Variants in IGF2BP2 observed in about 807,000 individuals in gnomAD.
The protein encoded by IGF2BP2 is insulin-like growth factor 2 mRNA-binding protein 2.
In IGF2BP2, 17 loss-of-function variants were observed where a neutral mutation model predicts 75.8. That is an observed-to-expected ratio of 0.22 (90% CI 0.15 to 0.34). The LOEUF is 0.34. IGF2BP2 is among the 10% of genes least tolerant of loss of function. The probability of loss-of-function intolerance (pLI) is 1.00; values close to 1 mark genes in which losing one functional copy is unlikely to be tolerated. For missense variants in IGF2BP2, 516 were observed against 772.4 expected (o/e 0.67, Z 3.93); for synonymous variants, 288 against 295.6 (o/e 0.97, Z 0.26).
intron 2 of IGF2BP2, among the ~76,000 whole-genome samples, chr3:185,778,325 C>G (rs920771765): frequency 6.6e-6 from 1 of 152,034 alleles, no homozygotes; most frequent in Non-Finnish European, 1.5e-5. Flanking sequence ...ATGTGTGCAA[C>G]TTTAGAATAT....
intron 9 of IGF2BP2, 119 bp from the exon 10 acceptor site, chr3:185,672,788 G>T: frequency 9.0e-7 from 1 of 1,112,120 alleles, no homozygotes; most frequent in Non-Finnish European, 1.3e-6. Context: ...CTCTGCCCAG[G>T]CTCTTCCTAC....
chr3:185,802,658 A>G (rs1406190642), intron 2 of IGF2BP2, among the ~76,000 whole-genome samples: 1 of 152,248 alleles, frequency 6.6e-6, no homozygotes, highest in African/African-American at 2.4e-5. Context: ...GCTGGTAGGC[A>G]GTTAATTTCA....
chr3:185,756,521 T>A (rs962744165), intron 2 of IGF2BP2, among the ~76,000 whole-genome samples: 1 of 151,856 alleles, frequency 6.6e-6, no homozygotes, highest in African/African-American at 2.4e-5. Flanking sequence ...ATTTCTCCCA[T>A]CTGCCTCTTT....
intron 2 of IGF2BP2, among the ~76,000 whole-genome samples, chr3:185,797,102 T>G (rs1289505188): frequency 6.6e-6 from 1 of 152,114 alleles, no homozygotes; most frequent in Non-Finnish European, 1.5e-5. Context: ...AAAAGCAGGC[T>G]TTCTACTCCA....
chr3:185,655,021 T>C (rs542728489), intron 12 of IGF2BP2, among the ~76,000 whole-genome samples: 1 of 152,302 alleles, frequency 6.6e-6, no homozygotes, highest in South Asian at 2.1e-4. Context: ...AAGTAGAAAC[T>C]AGGGGTGGGA....
intron 6 of IGF2BP2, chr3:185,689,045 C>T (rs535958028): frequency 2.4e-4 from 65 of 269,602 alleles, no homozygotes; most frequent in African/African-American, 1.2e-3. Context: ...TCTAGGATCC[C>T]GCAGAGCTCC....
At chr3:185,666,055 TAGAG>T (rs1717572323) in intron 10 of IGF2BP2, among the ~76,000 whole-genome samples, 1 of 138,188 alleles carries the variant, frequency 7.2e-6, no homozygotes, top group Non-Finnish European at 1.6e-5. Flanking sequence ...GATAGATAGA[TAGAG>T]GAACTATGAC....
chr3:185,780,704 GGAT>G (rs1366293366), intron 2 of IGF2BP2, among the ~76,000 whole-genome samples: 2 of 152,008 alleles, frequency 1.3e-5, no homozygotes, highest in Admixed American at 1.3e-4. Context: ...ACATTCCCAC[GGAT>G]GATATGAATT....
At chr3:185,685,396 T>C (rs2149296705) in intron 7 of IGF2BP2, among the ~76,000 whole-genome samples, 1 of 151,502 alleles carries the variant, frequency 6.6e-6, no homozygotes, top group East Asian at 1.9e-4. Context: ...GGAACTTGGA[T>C]GAGAAATGTC....
intron 10 of IGF2BP2, among the ~76,000 whole-genome samples, chr3:185,665,768 A>G (rs547251580): frequency 6.6e-6 from 1 of 152,134 alleles, no homozygotes; most frequent in Admixed American, 6.5e-5. Context: ...GGAGTTCGAG[A>G]TCAGCCTGGC....
At chr3:185,702,448 C>T (rs1404725884) in intron 2 of IGF2BP2, among the ~76,000 whole-genome samples, 1 of 152,148 alleles carries the variant, frequency 6.6e-6, no homozygotes, top group African/African-American at 2.4e-5. Flanking sequence ...ACCAAACACA[C>T]AGTAACTTAG....
intron 12 of IGF2BP2, among the ~76,000 whole-genome samples, chr3:185,656,691 T>C (rs1715486404): frequency 6.6e-6 from 1 of 152,212 alleles, no homozygotes; most frequent in African/African-American, 2.4e-5. Flanking sequence ...TTTCAGCTTC[T>C]CTGATGATTC....
intron 2 of IGF2BP2, among the ~76,000 whole-genome samples, chr3:185,773,124 C>T (rs1734099395): frequency 6.6e-6 from 1 of 152,188 alleles, no homozygotes; most frequent in African/African-American, 2.4e-5. Context: ...TAGCACAATA[C>T]CATTCCAAAT....
intron 7 of IGF2BP2, among the ~76,000 whole-genome samples, chr3:185,684,249 C>T (rs191455715): frequency 7.2e-5 from 11 of 152,260 alleles, no homozygotes; most frequent in Admixed American, 3.9e-4. Context: ...CCTATATCTT[C>T]TACCTCTTAT....
chr3:185,657,454 C>G, intron 11 of IGF2BP2, 52 bp from the exon 12 acceptor site: 2 of 1,404,760 alleles, frequency 1.4e-6, no homozygotes, highest in Non-Finnish European at 2.0e-6. Flanking sequence ...GCTTTCTCCT[C>G]CAGGCACTCA....
At chr3:185,713,409 C>T (rs80061571) in intron 2 of IGF2BP2, 33,387 of 519,836 alleles carry the variant, frequency 0.064, 1,263 homozygotes, top group Non-Finnish European at 0.081. Flanking sequence ...GGAAAAGCAG[C>T]AGTGGGCGGC....
rs543418315 is a variant in IGF2BP2, at chr3:185,796,705, G to C, written c.239+26448C>G. On this transcript the variant is annotated intron_variant, in intron 2 of 15. Coordinates refer to ENST00000382199, the MANE Select transcript of IGF2BP2 (RefSeq NM_006548.6). ...GCACATTTATTTGTTAATTGCTTTA[G>C]GATGTCCAGAGTGTAGTACCTGTAT... Among the ~76,000 whole-genome samples the C allele has an allele frequency of 6.0e-5, 9 of 150,998 alleles. No individual in the cohort carries two copies. The South Asian group carries it at 1.9e-3, about 32-fold the overall frequency.
At chr3:185,793,900 A>G (rs1736972893) in intron 2 of IGF2BP2, among the ~76,000 whole-genome samples, 1 of 151,606 alleles carries the variant, frequency 6.6e-6, no homozygotes. Context: ...CAGTAGATTG[A>G]AGATACTGAT....
At chr3:185,787,197 C>T (rs1203993136) in intron 2 of IGF2BP2, among the ~76,000 whole-genome samples, 1 of 152,036 alleles carries the variant, frequency 6.6e-6, no homozygotes, top group African/African-American at 2.4e-5. Context: ...AAAGACAGTT[C>T]TGGAGATAGA....
Sources: gnomAD v4.1 joint callset for allele counts (sites outside exome capture counted in the v4.1 genomes callset) on GRCh38, gnomAD v4.1.1 for gene constraint, MANE v1.5 for transcripts, NCBI Gene and HGNC (gene_info 2026-07-23, HGNC 2026-07-21) for gene names.